STARD8: variants seen among roughly 807,000 people sequenced by gnomAD.
STARD8 encodes stAR-related lipid transfer protein 8.
STARD8 carries 25 observed loss-of-function variants against 69.4 expected under a neutral mutation model. The observed-to-expected ratio is 0.36, with a 90% CI of 0.26 to 0.50. The LOEUF (loss-of-function observed/expected upper bound fraction) is 0.50, where lower values mean the gene tolerates loss of function less well. STARD8 is among the 20% of genes least tolerant of loss of function. The pLI, the probability that STARD8 is intolerant of heterozygous loss-of-function variation, is 0.96. For synonymous variants in STARD8, 389 were observed against 374.6 expected (o/e 1.04, Z -0.45); for missense variants, 921 against 932.5 (o/e 0.99, Z 0.16).
chrX:68,659,370 G>A (rs756227019), intron 1 of STARD8, among the ~76,000 whole-genome samples: 72 of 111,840 alleles, frequency 6.4e-4, no homozygotes, highest in Non-Finnish European at 9.6e-4. Context: ...GACATCCTGT[G>A]GAAGTGAAAG....
intron 2 of STARD8, among the ~76,000 whole-genome samples, chrX:68,687,510 A>C (rs933213117): frequency 9.0e-6 from 1 of 111,389 alleles, no homozygotes; most frequent in East Asian, 2.8e-4. Context: ...ATTCCACTTA[A>C]AGGGCAGGGA....
rs2080156545 is a variant in STARD8, at chrX:68,722,247, A to G, written c.2574+86A>G. The G allele has an allele frequency of 9.1e-6, 8 of 878,139 alleles. No individual in the cohort carries two copies. In the South Asian group the frequency reaches 1.7e-4, roughly 19 times the overall value. The allele number at this position is 878,139 out of a possible 1,213,427, so 72.4% of individuals were successfully genotyped here. A position where few individuals can be genotyped will look rare whatever the true frequency, so the allele number is the denominator to read the frequency against. On this transcript the variant is annotated intron_variant, in intron 11 of 14. Transcript: ENST00000374599. ...CTCGGTGCCCCAAGTCAGGGATAGG[A>G]CCCAATTTGACACATACCCCTCAAG...
At chrX:68,691,159 AC>A (rs1156637068) in intron 2 of STARD8, among the ~76,000 whole-genome samples, 1 of 111,920 alleles carries the variant, frequency 8.9e-6, no homozygotes, top group Non-Finnish European at 1.9e-5. Context: ...ACACACAGAG[AC>A]TTTTTCTTTT....
At chrX:68,657,208 T>C (rs955564780) in intron 1 of STARD8, among the ~76,000 whole-genome samples, 2 of 111,762 alleles carry the variant, frequency 1.8e-5, no homozygotes, top group Non-Finnish European at 3.8e-5. Context: ...TCCTACCTTA[T>C]AGGGCTGTAG....
intron 5 of STARD8, 33 bp downstream of exon 5, chrX:68,716,464 T>G: frequency 8.4e-7 from 1 of 1,193,348 alleles, no homozygotes. Context: ...TCTGTGGTCT[T>G]GTGGTGCCAT....
chrX:68,687,128 G>C (rs1449903918), intron 2 of STARD8, among the ~76,000 whole-genome samples: 1 of 109,383 alleles, frequency 9.1e-6, no homozygotes, highest in African/African-American at 3.4e-5. Context: ...AGATCGTTAA[G>C]TGTTATCACC....
intron 2 of STARD8, among the ~76,000 whole-genome samples, chrX:68,680,734 T>TG (rs1298075049): frequency 9.1e-6 from 1 of 109,469 alleles, no homozygotes; most frequent in Non-Finnish European, 1.9e-5. Context: ...GGCCAGGAAG[T>TG]GGGGGTGGGG....
At chrX:68,649,276 C>T (rs939975204) in intron 1 of STARD8, among the ~76,000 whole-genome samples, 3 of 111,352 alleles carry the variant, frequency 2.7e-5, no homozygotes, top group Non-Finnish European at 5.6e-5. Flanking sequence ...GAGGGAACTT[C>T]GTGAGCTAGA....
At chrX:68,685,579 T>C (rs1166988276) in intron 2 of STARD8, among the ~76,000 whole-genome samples, 3 of 112,264 alleles carry the variant, frequency 2.7e-5, no homozygotes, top group African/African-American at 9.7e-5. Context: ...TCTTTGAAAA[T>C]AAAAGCTAAT....
intron 1 of STARD8, among the ~76,000 whole-genome samples, chrX:68,660,361 T>G (rs2079636963): frequency 8.9e-6 from 1 of 111,746 alleles, no homozygotes; most frequent in Admixed American, 9.5e-5. Context: ...GCAGAATGTG[T>G]CAGTCAGTCC....
At position 68,647,939 on chromosome X, in the gene STARD8, G is replaced by A. The variant is rs1808814591; in HGVS notation, c.45+12G>A. ...TCAGGAAGGTGAAGGTAAGTGACTG[G>A]CCAGCCCCAGCCCATCCCGCTGCTC... On this transcript the variant is annotated intron_variant, in intron 1 of 14. Coordinates refer to ENST00000374599, the MANE Select transcript of STARD8 (RefSeq NM_001142503.3). The A allele has an allele frequency of 5.9e-6, 7 of 1,193,726 alleles. No homozygotes were observed. The highest frequency in any genetic ancestry group is 1.8e-5 in the African/African-American group (1 of 57,053).
chrX:68,669,376 G>T (rs185143218), intron 2 of STARD8, among the ~76,000 whole-genome samples: 2 of 111,644 alleles, frequency 1.8e-5, no homozygotes, highest in East Asian at 5.6e-4. Context: ...TGAATAGCTT[G>T]CTTTAAATGA....
chrX:68,676,803 TTTGTTTTA>T (rs2079768221), intron 2 of STARD8, among the ~76,000 whole-genome samples: 1 of 111,898 alleles, frequency 8.9e-6, no homozygotes, highest in African/African-American at 3.3e-5. Context: ...TGTTTGTTTG[TTTGTTTTA>T]TTTGTTTTTC....
chrX:68,653,032 A>C (rs2079568734), intron 1 of STARD8, among the ~76,000 whole-genome samples: 4 of 29,991 alleles, frequency 1.3e-4, no homozygotes, highest in Admixed American at 4.6e-4. Context: ...CACCCCACAC[A>C]CCACACACAC....
chrX:68,707,624 C>T (rs985952343), intron 2 of STARD8, among the ~76,000 whole-genome samples: 5 of 111,656 alleles, frequency 4.5e-5, no homozygotes, highest in African/African-American at 1.6e-4. Flanking sequence ...AATGTGCAGC[C>T]AGATTTGAGA....
At chrX:68,660,661 C>T (rs767497689) in intron 1 of STARD8, among the ~76,000 whole-genome samples, 5 of 112,355 alleles carry the variant, frequency 4.5e-5, no homozygotes, top group Admixed American at 2.8e-4. Context: ...CTGTGTCCTG[C>T]GACAACCTGG....
chrX:68,652,849 A>C (rs1602533635), intron 1 of STARD8, among the ~76,000 whole-genome samples: 1 of 5,876 alleles, frequency 1.7e-4, no homozygotes, highest in Non-Finnish European at 3.3e-4. Context: ...ACACCCCCAC[A>C]CACCACACCA....
intron 2 of STARD8, among the ~76,000 whole-genome samples, chrX:68,672,791 TG>T (rs1186708034): frequency 1.8e-5 from 2 of 111,187 alleles, no homozygotes; most frequent in Admixed American, 9.5e-5. Flanking sequence ...GGGTTCCTGC[TG>T]TGTGACCTTC....
In STARD8 at chrX:68,723,806, A is replaced by C. The variant is rs1016780841; in HGVS notation, c.2980A>C (p.Met994Leu). The C allele has an allele frequency of 8.4e-7, 1 of 1,183,569 alleles. No individual in the cohort carries two copies. Among genetic ancestry groups the C allele is most frequent in the Non-Finnish European group, 1.1e-6 (1 of 881,932 alleles). Residue 994 changes from methionine to leucine, a missense_variant, in exon 13 of 15, where the codon ATG (methionine) becomes CTG (leucine). Met to Leu is a conservative substitution (Grantham distance 15, BLOSUM62 2). Coordinates refer to ENST00000374599, the MANE Select transcript of STARD8 (RefSeq NM_001142503.3). ...GCTGTACCACTATGTCACCGACAGC[A>C]TGGCACCCCATCCCTGCCGCGACTT... The part of the protein sequence containing the change: ...VELYHYVTDS[M>L]APHPCRDFVV...
Sources: allele counts gnomAD v4.1 joint callset (sites outside exome capture counted in the v4.1 genomes callset), GRCh38; gene constraint gnomAD v4.1.1; transcripts MANE v1.5; gene names NCBI Gene and HGNC (gene_info 2026-07-23, HGNC 2026-07-21).